ARHGEF12: variants seen among roughly 807,000 people sequenced by gnomAD.
ARHGEF12 encodes the protein Rho guanine nucleotide exchange factor 12.
A neutral mutation model predicts 211.2 loss-of-function variants in ARHGEF12; 66 were observed. That is an observed-to-expected ratio of 0.31 (90% confidence interval 0.26 to 0.38). The LOEUF (loss-of-function observed/expected upper bound fraction) is 0.38, where lower values mean the gene tolerates loss of function less well. Among genes scored for constraint, ARHGEF12 ranks in the 10% least tolerant of loss-of-function variants. The pLI, the probability that ARHGEF12 is intolerant of heterozygous loss-of-function variation, is 1.00. For missense variants in ARHGEF12, 1,429 were observed against 1,869.5 expected, an observed-to-expected ratio of 0.76 and a Z score of 4.34; for synonymous variants, 592 against 638.4, an observed-to-expected ratio of 0.93 and a Z score of 1.09.
At chr11:120,439,618 G>A (rs1945806107) in intron 12 of ARHGEF12, 1 of 152,186 alleles carries the variant, frequency 6.6e-6, no homozygotes, top group East Asian at 1.9e-4. Flanking sequence ...ATCATTAATG[G>A]AAATCTTGGG....
chr11:120,449,856 A>C (rs1946153656), intron 21 of ARHGEF12: 1 of 151,530 alleles, frequency 6.6e-6, no homozygotes, highest in Non-Finnish European at 1.5e-5. Context: ...GTGTGTATAG[A>C]TCTCTCCACC....
In ARHGEF12 at chr11:120,477,245, C is replaced by T. The variant is rs774712795; in HGVS notation, c.3392C>T (p.Ala1131Val). Residue 1131 changes from alanine (A) to valine (V), a missense_variant, in exon 35 of 41, where the codon GCT (alanine) becomes GTT (valine). Physicochemically the swap from Ala to Val is moderately conservative, Grantham distance 64. This residue lies in a region of ARHGEF12 where 223 missense variants were observed against 444.6 expected (regional missense o/e 0.50). Transcript: ENST00000397843. The stretch of plus-strand genomic sequence containing the variant: ...TGGCAGGACCTAATCTGTCGGATGG[C>T]TGCATCAGTGAAGGAGCAATCCACA... ...TVWQDLICRM[A>V]ASVKEQSTKP... 25 of 1,614,046 alleles carry T rather than the reference C, an allele frequency of 1.5e-5. No individual in the cohort carries two copies. The South Asian group carries it at 2.0e-4, about 13-fold the overall frequency.
intron 7 of ARHGEF12, 92 bp from the exon 8 acceptor site, chr11:120,427,977 A>G (rs1945399246): frequency 1.8e-6 from 2 of 1,084,742 alleles, no homozygotes; most frequent in Non-Finnish European, 2.5e-6. Context: ...ATCTTTTAGA[A>G]CTATCGAAGA....
At chr11:120,460,534 A>G in intron 26 of ARHGEF12, 138 bp from the exon 27 acceptor site, 2 of 597,386 alleles carry the variant, frequency 3.3e-6, no homozygotes, top group South Asian at 4.9e-5. Flanking sequence ...GTCCAGATTT[A>G]TATTTAAGGA....
intron 1 of ARHGEF12, among the ~76,000 whole-genome samples, chr11:120,363,523 A>T (rs1943336816): frequency 6.6e-6 from 1 of 152,192 alleles, no homozygotes; most frequent in Non-Finnish European, 1.5e-5. Context: ...TATAATAGTG[A>T]GATAAAGTTT....
rs971163090 is a variant in ARHGEF12, at chr11:120,429,483, G to A, written c.629G>A (p.Arg210Lys). The change falls in exon 9 of 41, where the codon AGA becomes AAA. Residue 210 changes from arginine (R) to lysine (K), a missense_variant. Arg to Lys is a conservative substitution (Grantham distance 26). This residue lies in a region of ARHGEF12 where 254 missense variants were observed against 286.4 expected (regional missense o/e 0.89). Coordinates refer to ENST00000397843, the MANE Select transcript of ARHGEF12 (RefSeq NM_015313.3). Reference protein sequence around the residue: ...VVHNQKVEILRKMLQKEQERL... With the variant: ...VVHNQKVEILKKMLQKEQERL... ...CATAACCAGAAAGTAGAAATTCTGA[G>A]AAAAATGTTACAGAAAGAACAGGAA... 4 of 1,613,728 alleles carry A rather than the reference G, an allele frequency of 2.5e-6. No homozygotes were observed. The highest frequency in any genetic ancestry group is 3.4e-6 in the Non-Finnish European group (4 of 1,179,864).
rs1442315770 is a variant in ARHGEF12, at chr11:120,487,423, C to A, written c.*2346C>A. 3.7e-5 allele frequency: 8 copies of A among 217,218 alleles called. No individual in the cohort carries two copies. Among genetic ancestry groups the A allele is most frequent in the Non-Finnish European group, 9.3e-6 (1 of 108,094 alleles). The allele number at this position is 217,218 out of a possible 1,614,324, so 13.5% of individuals were successfully genotyped here. A position where few individuals can be genotyped will look rare whatever the true frequency, so the allele number is the denominator to read the frequency against. On this transcript the variant is annotated 3_prime_UTR_variant, in exon 41 of 41. Coordinates refer to ENST00000397843, the MANE Select transcript of ARHGEF12 (RefSeq NM_015313.3). The stretch of plus-strand genomic sequence containing the variant: ...AAATATCTCACAATTTTTGAATGTT[C>A]TTTTTATCTTACCGACCTAACTTCT...
chr11:120,390,088 C>T (rs1026183249), intron 1 of ARHGEF12, among the ~76,000 whole-genome samples: 8 of 152,028 alleles, frequency 5.3e-5, no homozygotes, highest in African/African-American at 1.9e-4. Flanking sequence ...TGTTCCGGGT[C>T]TCTACAGTGT....
At chr11:120,484,796 G>C (rs1000166383) in intron 40 of ARHGEF12, among the ~76,000 whole-genome samples, 1 of 152,148 alleles carries the variant, frequency 6.6e-6, no homozygotes, top group South Asian at 2.1e-4. Flanking sequence ...TCACAGATTC[G>C]GTGTGAGGCT....
rs1947430724 is a variant in ARHGEF12 at position 120,487,643 on chromosome 11, G to T, written c.*2566G>T. The T allele has an allele frequency of 4.6e-6, 1 of 215,842 alleles. No homozygotes were observed. The highest frequency in any genetic ancestry group is 9.3e-6 in the Non-Finnish European group (1 of 107,168). 13.4% of individuals were successfully genotyped at this position (215,842 alleles called of 1,614,324 possible). ...ACTAGAAGTTGAAATCTACTTCCCT[G>T]CTAAAGGGCACAGGGGTGGTGTACA... is the stretch of plus-strand genomic sequence containing the variant. On this transcript the variant is annotated 3_prime_UTR_variant, in exon 41 of 41. Coordinates refer to ENST00000397843, the MANE Select transcript of ARHGEF12 (RefSeq NM_015313.3).
intron 1 of ARHGEF12, among the ~76,000 whole-genome samples, chr11:120,366,387 G>A (rs966690249): frequency 1.3e-5 from 2 of 152,084 alleles, no homozygotes; most frequent in African/African-American, 4.8e-5. Context: ...CCAACTTCTG[G>A]CCCCAAGCAG....
At chr11:120,338,792 A>C (rs1332949004) in intron 1 of ARHGEF12, among the ~76,000 whole-genome samples, 2 of 152,168 alleles carry the variant, frequency 1.3e-5, no homozygotes, top group African/African-American at 4.8e-5. Flanking sequence ...TGAGGTGTTT[A>C]ATTTATGGAA....
chr11:120,476,802 C>A (rs991810001), intron 34 of ARHGEF12, 54 bp downstream of exon 34: 1 of 1,357,292 alleles, frequency 7.4e-7, no homozygotes, highest in Non-Finnish European at 1.0e-6. Context: ...TTATCCCAAG[C>A]GTAATATTCC....
At chr11:120,425,437 A>G (rs546405166) in intron 7 of ARHGEF12, among the ~76,000 whole-genome samples, 1 of 151,378 alleles carries the variant, frequency 6.6e-6, no homozygotes, top group Non-Finnish European at 1.5e-5. Flanking sequence ...TCTGGGTTCA[A>G]GTGATCCTCC....
At chr11:120,447,623 A>G (rs995096185) in intron 18 of ARHGEF12, among the ~76,000 whole-genome samples, 1 of 151,768 alleles carries the variant, frequency 6.6e-6, no homozygotes, top group East Asian at 1.9e-4. Flanking sequence ...TTCGAGACCA[A>G]GCTGGCCAAC....
Position 120,482,826 on chromosome 11 carries a change from A to G in ARHGEF12, c.4554+1250A>G, listed in dbSNP as rs188804763. ...TTCCTCATGACATCATTTACACCAG[A>G]GACTTGAGGGGTAGATTTAAGTATC... On this transcript the variant is annotated intron_variant, in intron 39 of 40. Transcript: ENST00000397843. Among the ~76,000 whole-genome samples the G allele has an allele frequency of 9.9e-5, 15 of 152,100 alleles. No homozygotes were observed. The East Asian group carries it at 2.9e-3, about 29-fold the overall frequency.
intron 1 of ARHGEF12, among the ~76,000 whole-genome samples, chr11:120,351,341 CAAAAA>C (rs35596601): frequency 3.7e-4 from 7 of 18,696 alleles, no homozygotes; most frequent in Admixed American, 2.4e-3. Context: ...GACTCCGTCT[CAAAAA>C]AAAAAAAAAA....
chr11:120,470,031 A>T (rs1301868719), intron 30 of ARHGEF12, among the ~76,000 whole-genome samples: 1 of 152,250 alleles, frequency 6.6e-6, no homozygotes, highest in Non-Finnish European at 1.5e-5. Flanking sequence ...GAAAATTTAC[A>T]TGAGTGTGGA....
Position 120,451,457 on chromosome 11 carries a change from T to G in ARHGEF12, c.1844-55T>G, listed in dbSNP as rs539638219. 22 of 1,573,904 alleles carry G rather than the reference T, an allele frequency of 1.4e-5. No homozygotes were observed. In the South Asian group the frequency reaches 2.0e-4, roughly 15 times the overall value. ...CTCCCAAAGTGTTGGGATTATAGGC[T>G]TGAGCCACCGCACCCAGCCGCAATA... On this transcript the variant is annotated intron_variant, in intron 21 of 40. Transcript: ENST00000397843.
Sources: allele counts gnomAD v4.1 joint callset (sites outside exome capture counted in the v4.1 genomes callset), GRCh38; gene constraint gnomAD v4.1.1; regional missense constraint gnomAD v4.1.1; transcripts MANE v1.5; gene names NCBI Gene and HGNC (gene_info 2026-07-23, HGNC 2026-07-21).